MUC4: variants seen among roughly 807,000 people sequenced by gnomAD.
The protein encoded by MUC4 is mucin 4, cell surface associated, also known as mucin-4.
In MUC4, 202 loss-of-function variants were observed where a neutral mutation model predicts 257.9. The observed-to-expected ratio is 0.78, with a 90% confidence interval of 0.70 to 0.88. MUC4 has a LOEUF of 0.88. MUC4 is among the 40% of genes least tolerant of loss of function. MUC4 has a pLI of 0.00. For synonymous variants in MUC4, 2,351 were observed against 2,757.1 expected, an observed-to-expected ratio of 0.85 and a Z score of 4.62; for missense variants, 5,976 against 6,513.7, an observed-to-expected ratio of 0.92 and a Z score of 2.84.
chr3:195,803,036 C>T (rs999144321), intron 1 of MUC4, among the ~76,000 whole-genome samples: 1 of 152,140 alleles, frequency 6.6e-6, no homozygotes, highest in Non-Finnish European at 1.5e-5. Flanking sequence ...CACTCCCTCC[C>T]TTTTCTTACT....
In MUC4 at chr3:195,763,464, T is replaced by C; in HGVS notation, c.14222A>G (p.Gln4741Arg). The C allele has an allele frequency of 6.7e-7, 1 of 1,487,484 alleles. No homozygotes were observed. The highest frequency in any genetic ancestry group is 9.0e-7 in the Non-Finnish European group (1 of 1,111,790). 92.1% of individuals were successfully genotyped at this position (1,487,484 alleles called of 1,614,324 possible). Residue 4741 changes from glutamine (Q) to arginine (R), a missense_variant, in exon 12 of 25, where the codon CAG (glutamine) becomes CGG (arginine). This residue lies in a region of MUC4 where 996 missense variants were observed against 1,137.3 expected (regional missense o/e 0.88). Coordinates refer to ENST00000463781, the MANE Select transcript of MUC4 (RefSeq NM_018406.7). The stretch of plus-strand genomic sequence containing the variant: ...GGGGCCCAGGCTGCTGGAGCGGTAC[T>C]GAGCCGCAAAGGCGATGAAGTTGGT... ...QATNFIAFAA[Q>R]YRSSSLGPVT...
At chr3:195,807,434 C>T (rs775961775) in intron 1 of MUC4, among the ~76,000 whole-genome samples, 3 of 152,136 alleles carry the variant, frequency 2.0e-5, no homozygotes, top group Non-Finnish European at 4.4e-5. Flanking sequence ...CGCCACTGCA[C>T]TGCAGCCTGG....
chr3:195,804,800 A>T (rs1298240605), intron 1 of MUC4, among the ~76,000 whole-genome samples: 1 of 152,232 alleles, frequency 6.6e-6, no homozygotes, highest in Non-Finnish European at 1.5e-5. Context: ...GCAGGGAGCT[A>T]ATGCTATTTG....
rs536478019 is a variant in MUC4, at chr3:195,790,307, C to G, written c.1273G>C (p.Val425Leu). ...GTGTCTGACCACCATATGGTTGAAACTTTGGAAGTGATTGCAGAAATGGTT... is the reference window on the plus strand; with the variant it reads ...GTGTCTGACCACCATATGGTTGAAAGTTTGGAAGTGATTGCAGAAATGGTT... ...SGTISAITSK[V>L]STIWWSDTLS... Residue 425 changes from valine (V) to leucine (L), a missense_variant, in exon 2 of 25, where the codon GTT (valine) becomes CTT (leucine). Physicochemically the swap from Val to Leu is conservative, Grantham distance 32. Around this residue, in one of 44 missense-constraint regions of MUC4, gnomAD observed 1,583 missense variants for 1,257.4 expected, o/e 1.26. Coordinates refer to ENST00000463781, the MANE Select transcript of MUC4 (RefSeq NM_018406.7). 36 of 1,613,900 alleles carry G rather than the reference C, an allele frequency of 2.2e-5. No homozygotes were observed. The East Asian group carries it at 7.6e-4, about 34-fold the overall frequency.
intron 19 of MUC4, chr3:195,754,012 C>T (rs2148765616): frequency 1.5e-6 from 1 of 658,322 alleles, no homozygotes; most frequent in Non-Finnish European, 2.4e-6. Context: ...CATCCACCAC[C>T]CCCTTTCCAG....
At chr3:195,809,425 G>A (rs1481964907) in intron 1 of MUC4, among the ~76,000 whole-genome samples, 4 of 152,156 alleles carry the variant, frequency 2.6e-5, no homozygotes, top group Admixed American at 6.5e-5. Flanking sequence ...TGTGGGGGTG[G>A]GGGCTGCCCA....
intron 1 of MUC4, among the ~76,000 whole-genome samples, chr3:195,795,997 G>A (rs1410596104): frequency 6.6e-6 from 1 of 151,726 alleles, no homozygotes; most frequent in East Asian, 1.9e-4. Context: ...TAGATAAATT[G>A]GATATACTGT....
chr3:195,788,483 C>T lies in MUC4; in HGVS notation c.3097G>A (p.Glu1033Lys). 1 of 1,547,212 alleles carries T rather than the reference C, an allele frequency of 6.5e-7. No individual in the cohort carries two copies. Among genetic ancestry groups the T allele is most frequent in the Non-Finnish European group, 8.7e-7 (1 of 1,145,386 alleles). ...AGAGGGGTGACGTGACCTGTGGATT[C>T]TGAGGAAGTGTCGGTGACAGGAAGA... ...TPLPVTDTSS[E>K]STGHVTPLPV... The change falls in exon 2 of 25, where the codon GAA becomes AAA. Residue 1033 changes from glutamate (E) to lysine (K), a missense_variant. By Grantham distance (56) the Glu-to-Lys change is moderately conservative. Transcript: ENST00000463781.
chr3:195,763,692 C>T, intron 11 of MUC4, 51 bp from the exon 12 acceptor site: 1 of 1,432,476 alleles, frequency 7.0e-7, no homozygotes, highest in Non-Finnish European at 9.3e-7. Flanking sequence ...ATGTGTAGGG[C>T]TGAGGTTCCT....
At chr3:195,778,666 C>A (rs998864429) in intron 2 of MUC4, 124 bp downstream of exon 2, 22 of 1,303,348 alleles carry the variant, frequency 1.7e-5, no homozygotes, top group Non-Finnish European at 2.3e-5. Flanking sequence ...CACCTCCTCC[C>A]CTGTGGGACC....
At chr3:195,798,845 C>T (rs138905583) in intron 1 of MUC4, among the ~76,000 whole-genome samples, 92 of 152,290 alleles carry the variant, frequency 6.0e-4, no homozygotes, top group African/African-American at 2.1e-3. Flanking sequence ...CCTGAGAAGA[C>T]GCACATCTTT....
chr3:195,778,198 G>A (rs1578178357), intron 3 of MUC4, 105 bp downstream of exon 3: 1 of 1,394,222 alleles, frequency 7.2e-7, no homozygotes, highest in Non-Finnish European at 9.6e-7. Context: ...TCCTCGGTAA[G>A]GCCCTCCCCA....
intron 1 of MUC4, among the ~76,000 whole-genome samples, chr3:195,802,332 C>T (rs1377676891): frequency 1.4e-5 from 2 of 141,356 alleles, no homozygotes; most frequent in African/African-American, 2.5e-5. Flanking sequence ...TCCTCCCCGT[C>T]GCTTTGACTA....
At chr3:195,753,374 CT>C in intron 19 of MUC4, 144 bp from the exon 20 acceptor site, 1 of 761,274 alleles carries the variant, frequency 1.3e-6, no homozygotes. Context: ...TCCTTCCCCC[CT>C]TTTCCAGGCG....
rs748246220 is a variant in MUC4 at position 195,789,250 on chromosome 3, T to C, written c.2330A>G (p.Glu777Gly). The C allele has an allele frequency of 1.2e-6, 2 of 1,613,918 alleles. No individual in the cohort carries two copies. The highest frequency in any genetic ancestry group is 2.2e-5 in the South Asian group (2 of 91,080). ...AAAMTHTHQA[E>G]STEASGQTQT... is the part of the protein sequence containing the mutation. ...TGTTTGTCCAGAGGCCTCTGTGCTC[T>C]CAGCCTGGTGGGTATGGGTCATGGC... The change falls in exon 2 of 25, where the codon GAG (glutamate) becomes GGG (glycine). Residue 777 changes from glutamate (E) to glycine (G), a missense_variant. By Grantham distance (98) the Glu-to-Gly change is moderately conservative. Coordinates refer to ENST00000463781, the MANE Select transcript of MUC4 (RefSeq NM_018406.7).
rs770067903 is a variant in MUC4, at chr3:195,782,464, G to A, written c.9116C>T (p.Thr3039Ile). 1.3e-6 allele frequency: 2 copies of A among 1,483,448 alleles called. No individual in the cohort carries two copies. The highest frequency in any genetic ancestry group is 1.8e-6 in the Non-Finnish European group (2 of 1,106,774). 91.9% of individuals were successfully genotyped at this position (1,483,448 alleles called of 1,614,324 possible). A position where few individuals can be genotyped will look rare whatever the true frequency, so the allele number is the denominator to read the frequency against. ...SPSSASTGHA[T>I]PLPVTDTSSA... Reference sequence around the variant, plus strand: ...GGAAGTGTCGGTGACAGGAAGCGGGGTGGCGTGACCGGTGGATGCTGAGGA... The same window carrying A: ...GGAAGTGTCGGTGACAGGAAGCGGGATGGCGTGACCGGTGGATGCTGAGGA... The change falls in exon 2 of 25, where the codon ACC becomes ATC. Residue 3039 changes from threonine to isoleucine, a missense_variant. Coordinates refer to ENST00000463781, the MANE Select transcript of MUC4 (RefSeq NM_018406.7).
At chr3:195,748,828 G>C in intron 24 of MUC4, 74 bp downstream of exon 24, 1 of 1,456,378 alleles carries the variant, frequency 6.9e-7, no homozygotes, top group Non-Finnish European at 9.0e-7. Flanking sequence ...CTAATTCCTG[G>C]ACCCCTTGCA....
intron 20 of MUC4, among the ~76,000 whole-genome samples, chr3:195,752,769 C>G (rs1716727360): frequency 6.6e-6 from 1 of 152,212 alleles, no homozygotes; most frequent in South Asian, 2.1e-4. Context: ...GGGCTCACTC[C>G]ACTATGCTCC....
Position 195,787,931 on chromosome 3 carries a change from G to A in MUC4, c.3649C>T (p.Leu1217Phe). The change falls in exon 2 of 25, where the codon CTT becomes TTT. Residue 1217 changes from leucine to phenylalanine, a missense_variant. Around this residue, in one of 44 missense-constraint regions of MUC4, gnomAD observed 90 missense variants for 106.2 expected, o/e 0.85. Coordinates refer to ENST00000463781, the MANE Select transcript of MUC4 (RefSeq NM_018406.7). ...ACTGAGGAAGCGTCGGTGACAGGAAGAGGGGTGGCGTGTCCTGTGGATGCT... is the reference window on the plus strand; with the variant it reads ...ACTGAGGAAGCGTCGGTGACAGGAAAAGGGGTGGCGTGTCCTGTGGATGCT... ...SSASTGHATP[L>F]PVTDASSVST... 3.0e-6 allele frequency: 3 copies of A among 1,012,526 alleles called. No individual in the cohort carries two copies. The highest frequency in any genetic ancestry group is 4.1e-6 in the Non-Finnish European group (3 of 737,314). The allele number at this position is 1,012,526 out of a possible 1,614,324, so 62.7% of individuals were successfully genotyped here. A position where few individuals can be genotyped will look rare whatever the true frequency, so the allele number is the denominator to read the frequency against.
Sources: gnomAD v4.1 joint callset for allele counts (sites outside exome capture counted in the v4.1 genomes callset) on GRCh38, gnomAD v4.1.1 for gene constraint, gnomAD v4.1.1 regional missense constraint, MANE v1.5 for transcripts, NCBI Gene and HGNC (gene_info 2026-07-23, HGNC 2026-07-21) for gene names.